Variants in DAB1 observed in about 807,000 individuals in gnomAD.
DAB1 encodes the protein DAB adaptor protein 1, also known as disabled homolog 1.
In DAB1, 15 loss-of-function variants were observed where a neutral mutation model predicts 64.6. The ratio of observed to expected loss-of-function variants is 0.23; its 90% confidence interval spans 0.16 to 0.36. The LOEUF is 0.36. Among genes scored for constraint, DAB1 ranks in the 10% least tolerant of loss-of-function variants. The pLI, the probability that DAB1 is intolerant of heterozygous loss-of-function variation, is 1.00. For missense variants in DAB1, 596 were observed against 706.7 expected (o/e 0.84, Z 1.78); for synonymous variants, 235 against 251.9 (o/e 0.93, Z 0.64).
intron 7 of DAB1, among the ~76,000 whole-genome samples, chr1:57,589,534 A>C (rs888637211): frequency 6.6e-6 from 1 of 152,202 alleles, no homozygotes; most frequent in African/African-American, 2.4e-5. Context: ...AGATGAGCAG[A>C]TAACTTGAGG....
Position 57,211,610 on chromosome 1 carries a change from A to G in DAB1, c.68-66181T>C, listed in dbSNP as rs77928588. Among the ~76,000 whole-genome samples the G allele has an allele frequency of 7.1e-3, 1,083 of 152,296 alleles. 18 individuals are homozygous for G. Among genetic ancestry groups the G allele is most frequent in the African/African-American group, 0.024 (991 of 41,564 alleles). On this transcript the variant is annotated intron_variant, in intron 2 of 14. Transcript: ENST00000371236. ...GGATATACTTACTTCAGTGTTGTGG[A>G]AACATCAAATAAAAAATGTTATATG...
At chr1:57,614,264 A>G (rs1317269296) in intron 7 of DAB1, among the ~76,000 whole-genome samples, 3 of 152,232 alleles carry the variant, frequency 2.0e-5, no homozygotes, top group African/African-American at 4.8e-5. Flanking sequence ...CAAAGTTAAA[A>G]ACAAACAAAC....
At chr1:57,584,820 T>G (rs1476535096) in intron 7 of DAB1, among the ~76,000 whole-genome samples, 1 of 152,192 alleles carries the variant, frequency 6.6e-6, no homozygotes, top group Admixed American at 6.5e-5. Flanking sequence ...ATTATTAGTT[T>G]CTCTACCCCT....
At chr1:57,804,694 G>A (rs1651282462) in intron 6 of DAB1, among the ~76,000 whole-genome samples, 1 of 152,204 alleles carries the variant, frequency 6.6e-6, no homozygotes, top group African/African-American at 2.4e-5. Context: ...ATGATTAAGA[G>A]TTAACACTGC....
intron 3 of DAB1, among the ~76,000 whole-genome samples, chr1:58,505,618 T>G (rs1645975853): frequency 6.6e-6 from 1 of 151,916 alleles, no homozygotes; most frequent in African/African-American, 2.4e-5. Context: ...TTTTTTTTCC[T>G]AAAAAAACAA....
At chr1:58,415,179 T>C (rs1268648123) in intron 3 of DAB1, among the ~76,000 whole-genome samples, 2 of 152,062 alleles carry the variant, frequency 1.3e-5, no homozygotes, top group African/African-American at 4.8e-5. Flanking sequence ...GCATGCACCA[T>C]GTGAGAACAT....
At chr1:58,372,614 G>C (rs1049139358) in intron 3 of DAB1, among the ~76,000 whole-genome samples, 4 of 152,162 alleles carry the variant, frequency 2.6e-5, no homozygotes, top group South Asian at 2.1e-4. Context: ...AATATGGTTT[G>C]TCTCTATCTC....
intron 1 of DAB1, among the ~76,000 whole-genome samples, chr1:57,846,649 A>G (rs1314312774): frequency 6.6e-6 from 1 of 152,088 alleles, no homozygotes; most frequent in Non-Finnish European, 1.5e-5. Flanking sequence ...CATTGTACCA[A>G]TGAGAAAACT....
intron 4 of DAB1, among the ~76,000 whole-genome samples, chr1:58,288,098 T>C (rs17117259): frequency 0.018 from 2,645 of 143,784 alleles, 39 homozygotes; most frequent in East Asian, 0.04. Context: ...GCAACTTAAA[T>C]ATAGAGTCTT....
In DAB1 at chr1:58,070,999, G is replaced by T. The variant is rs1649202382; in HGVS notation, n.387+79512C>A. Among the ~76,000 whole-genome samples, 4 of 152,172 alleles carry T rather than the reference G, an allele frequency of 2.6e-5. No individual in the cohort carries two copies. In the South Asian group the frequency reaches 8.3e-4, roughly 32 times the overall value. ...AGAGAGCCTGGACCATAGAGAAGCT[G>T]CCAGAAGAGACTTGGTGGTTGCAGC... is the stretch of plus-strand genomic sequence containing the variant. On this transcript the variant is annotated intron_variant and non_coding_transcript_variant, in intron 5 of 20. Transcript: ENST00000485760.
chr1:58,449,356 T>C (rs994173704), intron 3 of DAB1, among the ~76,000 whole-genome samples: 7 of 152,192 alleles, frequency 4.6e-5, no homozygotes, highest in Admixed American at 4.6e-4. Context: ...TGCTGCTTTT[T>C]CTGCCCTTCA....
At chr1:58,061,235 G>A (rs1557632413) in intron 5 of DAB1, among the ~76,000 whole-genome samples, 2 of 152,224 alleles carry the variant, frequency 1.3e-5, no homozygotes, top group Non-Finnish European at 2.9e-5. Context: ...CCCTGAGCAA[G>A]TCGCTTAACC....
intron 4 of DAB1, among the ~76,000 whole-genome samples, chr1:57,095,441 T>C (rs914843724): frequency 6.6e-5 from 10 of 152,200 alleles, no homozygotes; most frequent in Non-Finnish European, 1.0e-4. Flanking sequence ...AAACTTTGCA[T>C]AGATATCACC....
intron 4 of DAB1, among the ~76,000 whole-genome samples, chr1:58,298,205 T>G (rs1557725325): frequency 2.0e-5 from 3 of 152,236 alleles, no homozygotes; most frequent in Non-Finnish European, 4.4e-5. Context: ...CTATGAATAC[T>G]ATAAAACTAA....
At chr1:57,493,184 C>T (rs951063503) in intron 7 of DAB1, among the ~76,000 whole-genome samples, 17 of 151,854 alleles carry the variant, frequency 1.1e-4, no homozygotes, top group African/African-American at 3.9e-4. Context: ...TCATTTTAAC[C>T]ATTTTAAGTT....
chr1:58,085,319 T>A (rs143704472), intron 5 of DAB1, among the ~76,000 whole-genome samples: 1 of 152,222 alleles, frequency 6.6e-6, no homozygotes, highest in Non-Finnish European at 1.5e-5. Flanking sequence ...AGCGGCTCCA[T>A]ATAATCTTGA....
chr1:58,034,225 C>T (rs1014823929), intron 5 of DAB1, among the ~76,000 whole-genome samples: 13 of 152,170 alleles, frequency 8.5e-5, no homozygotes, highest in Admixed American at 3.9e-4. Flanking sequence ...ACTGCTCCTA[C>T]GAAGAGGTCT....
chr1:57,966,561 G>A (rs1359840041), intron 5 of DAB1, among the ~76,000 whole-genome samples: 1 of 152,146 alleles, frequency 6.6e-6, no homozygotes, highest in African/African-American at 2.4e-5. Context: ...GAAACCAGCA[G>A]AGGGACCTCC....
In DAB1 at chr1:58,534,432, G is replaced by C. The variant is rs1646484933; in HGVS notation, n.33-7097C>G. 5.1e-6 allele frequency: 3 copies of C among 589,308 alleles called. No individual in the cohort carries two copies. The East Asian group carries it at 9.2e-5, about 18-fold the overall frequency. 36.5% of individuals were successfully genotyped at this position (589,308 alleles called of 1,614,324 possible). On this transcript the variant is annotated intron_variant and non_coding_transcript_variant, in intron 1 of 20. Coordinates refer to the DAB1 transcript ENST00000485760. ...GGCTACTTATTATTGAACATTTTAAGTTTTAATTATATAAAAATCTGCATA... is the reference window on the plus strand; with the variant it reads ...GGCTACTTATTATTGAACATTTTAACTTTTAATTATATAAAAATCTGCATA...
Sources: gnomAD v4.1 joint callset for allele counts (sites outside exome capture counted in the v4.1 genomes callset) on GRCh38, gnomAD v4.1.1 for gene constraint, MANE v1.5 for transcripts, NCBI Gene and HGNC (gene_info 2026-07-23, HGNC 2026-07-21) for gene names.